FASTKD5: variants seen among roughly 807,000 people sequenced by gnomAD.
FASTKD5 encodes the protein FAST kinase domains 5, also known as non-canonical pre-mRNAs endonuclease FASTKD5, mitochondrial.
FASTKD5 carries 30 observed loss-of-function variants against 44.0 expected under a neutral mutation model. The observed-to-expected ratio is 0.68, with a 90% CI of 0.51 to 0.93. The LOEUF (loss-of-function observed/expected upper bound fraction) is 0.93, where lower values mean the gene tolerates loss of function less well. Ranked by LOEUF, FASTKD5 falls within the 40% of genes least tolerant of loss-of-function variation. FASTKD5 has a pLI of 0.00. For missense variants in FASTKD5, 868 were observed against 908.2 expected (o/e 0.96, Z 0.57); for synonymous variants, 335 against 342.2 (o/e 0.98, Z 0.23).
chr20:3,155,539 A>G (rs2066675190), intron 1 of FASTKD5, among the ~76,000 whole-genome samples: 1 of 152,194 alleles, frequency 6.6e-6, no homozygotes, highest in Non-Finnish European at 1.5e-5. Flanking sequence ...TCAAAAAAAA[A>G]AAGTGGGTCG....
rs1026365726 is a variant in FASTKD5, at chr20:3,147,529, T to C, written c.1542A>G (p.Leu514=). Residue 514 remains leucine, a synonymous_variant, in exon 2 of 2, where the codon CTA becomes CTG. Transcript: ENST00000380266. ...ERTKFDLLKE[L]YTLDGTVGIE... ...TGCCAACTGTACCATCGAGGGTATATAGTTCCTTAAGGAGGTCAAACTTAG... is the reference window on the plus strand; with the variant it reads ...TGCCAACTGTACCATCGAGGGTATACAGTTCCTTAAGGAGGTCAAACTTAG... The C allele has an allele frequency of 1.4e-5, 23 of 1,614,112 alleles. No individual in the cohort carries two copies. Among genetic ancestry groups the C allele is most frequent in the East Asian group, 2.2e-5 (1 of 44,900 alleles).
At chr20:3,153,248 T>G (rs576067782) in intron 1 of FASTKD5, among the ~76,000 whole-genome samples, 2 of 152,382 alleles carry the variant, frequency 1.3e-5, no homozygotes, top group Admixed American at 6.5e-5. Context: ...CATCAATGTT[T>G]GGTGCAGCTC....
chr20:3,152,384 C>A (rs2148625127), intron 1 of FASTKD5, among the ~76,000 whole-genome samples: 1 of 152,104 alleles, frequency 6.6e-6, no homozygotes, highest in South Asian at 2.1e-4. Context: ...CACCTGCAAT[C>A]CCAGCTACTC....
rs766999850 is a variant in FASTKD5 at position 3,149,296 on chromosome 20, A to G, written c.-190-36T>C. The stretch of plus-strand genomic sequence containing the variant: ...GGTAGATGAAGAATGAGTGGCTTCT[A>G]CCTATAAAAGCATCCAAATTTACAC... On this transcript the variant is annotated intron_variant, in intron 1 of 1. Coordinates refer to ENST00000380266, the MANE Select transcript of FASTKD5 (RefSeq NM_021826.5). The surrounding 1 kb of genome is among the most constrained non-coding windows in gnomAD (Gnocchi z 4.1). 1.8e-6 allele frequency: 1 copy of G among 544,546 alleles called. No homozygotes were observed. The highest frequency in any genetic ancestry group is 3.3e-6 in the Non-Finnish European group (1 of 305,690). 33.7% of individuals were successfully genotyped at this position (544,546 alleles called of 1,614,324 possible). A position where few individuals can be genotyped will look rare whatever the true frequency, so the allele number is the denominator to read the frequency against.
Position 3,146,979 on chromosome 20 carries a change from C to T in FASTKD5, c.2092G>A (p.Ala698Thr). The T allele has an allele frequency of 6.2e-7, 1 of 1,614,178 alleles. No individual in the cohort carries two copies. The highest frequency in any genetic ancestry group is 8.5e-7 in the Non-Finnish European group (1 of 1,180,034). Residue 698 changes from alanine to threonine, a missense_variant, in exon 2 of 2, where the codon GCT (alanine) becomes ACT (threonine). Ala to Thr is a moderately conservative substitution (Grantham distance 58, BLOSUM62 0). Coordinates refer to ENST00000380266, the MANE Select transcript of FASTKD5 (RefSeq NM_021826.5). Reference protein sequence around the residue: ...ACMQTPRMKLAVQFTNRNQYC... With the variant: ...ACMQTPRMKLTVQFTNRNQYC... ...TGGTTCCTGTTTGTGAACTGAACAG[C>T]CAGCTTCATTCTTGGGGTCTGCATG...
At chr20:3,150,728 G>A (rs933863695) in intron 1 of FASTKD5, 1 of 152,170 alleles carries the variant, frequency 6.6e-6, no homozygotes, top group East Asian at 1.9e-4. Flanking sequence ...GTTCATCAAA[G>A]AACAGCAGGG....
intron 1 of FASTKD5, among the ~76,000 whole-genome samples, chr20:3,157,555 T>C (rs1029533284): frequency 2.6e-5 from 4 of 152,236 alleles, no homozygotes; most frequent in African/African-American, 9.6e-5. Flanking sequence ...AGATATAGTA[T>C]GACTAAGCCC....
Position 3,149,294 on chromosome 20 carries a change from C to A in FASTKD5, c.-190-34G>T. 1 of 545,080 alleles carries A rather than the reference C, an allele frequency of 1.8e-6. No individual in the cohort carries two copies. Among genetic ancestry groups the A allele is most frequent in the Non-Finnish European group, 3.3e-6 (1 of 306,032 alleles). 33.8% of individuals were successfully genotyped at this position (545,080 alleles called of 1,614,324 possible). On this transcript the variant is annotated intron_variant, in intron 1 of 1. Transcript: ENST00000380266. The surrounding 1 kb of genome is among the most constrained non-coding windows in gnomAD (Gnocchi z 4.1). ...AGGGTAGATGAAGAATGAGTGGCTTCTACCTATAAAAGCATCCAAATTTAC... is the reference window on the plus strand; with the variant it reads ...AGGGTAGATGAAGAATGAGTGGCTTATACCTATAAAAGCATCCAAATTTAC...
chr20:3,153,609 T>C (rs1368123052), intron 1 of FASTKD5, among the ~76,000 whole-genome samples: 1 of 152,140 alleles, frequency 6.6e-6, no homozygotes, highest in East Asian at 1.9e-4. Context: ...CGGGGGGCAG[T>C]ACGGGGTGGG....
At chr20:3,159,701 G>A (rs2066726336) in intron 1 of FASTKD5, 65 bp downstream of exon 1, 1 of 152,422 alleles carries the variant, frequency 6.6e-6, no homozygotes, top group Non-Finnish European at 1.5e-5. Flanking sequence ...ACAGGCCAAG[G>A]CCCAGGACGG....
In FASTKD5 at chr20:3,147,749, T is replaced by C. The variant is rs753267234; in HGVS notation, c.1322A>G (p.Asn441Ser). The C allele has an allele frequency of 1.2e-6, 2 of 1,614,108 alleles. No homozygotes were observed. Among genetic ancestry groups the C allele is most frequent in the South Asian group, 1.1e-5 (1 of 91,090 alleles). Residue 441 changes from asparagine to serine, a missense_variant, in exon 2 of 2, where the codon AAT becomes AGT. Coordinates refer to ENST00000380266, the MANE Select transcript of FASTKD5 (RefSeq NM_021826.5). ...TTCTTCTGCATTGGGTGGCTTATAA[T>C]TCAGAGTTCCAAATGACCACAGAAT... is the stretch of plus-strand genomic sequence containing the variant. ...AKILWSFGTL[N>S]YKPPNAEEFY...
intron 1 of FASTKD5, among the ~76,000 whole-genome samples, chr20:3,153,102 G>T (rs1568483779): frequency 6.6e-6 from 1 of 151,984 alleles, no homozygotes; most frequent in Non-Finnish European, 1.5e-5. Flanking sequence ...ACATAAACAA[G>T]AATTAACAAA....
At chr20:3,157,903 G>T (rs1041253859) in intron 1 of FASTKD5, among the ~76,000 whole-genome samples, 2 of 148,166 alleles carry the variant, frequency 1.3e-5, no homozygotes, top group Non-Finnish European at 3.0e-5. Context: ...GAATTCTTTT[G>T]TTTTTTTTTT....
Position 3,148,501 on chromosome 20 carries a change from G to C in FASTKD5, c.570C>G (p.Leu190=). ...VLLGSTSFAL[L]CQLSVKKIQL... ...GTATCTTCTTCACACTCAGCTGGCA[G>C]AGCAGAGCAAAGCTGGTACTGCCCA... Residue 190 remains leucine, a synonymous_variant, in exon 2 of 2, where the codon CTC becomes CTG. Coordinates refer to ENST00000380266, the MANE Select transcript of FASTKD5 (RefSeq NM_021826.5). 6.2e-7 allele frequency: 1 copy of C among 1,614,138 alleles called. No homozygotes were observed. Among genetic ancestry groups the C allele is most frequent in the African/African-American group, 1.3e-5 (1 of 75,072 alleles).
Position 3,148,795 on chromosome 20 carries a change from C to G in FASTKD5, c.276G>C (p.Gln92His), listed in dbSNP as rs76392282. Reference sequence around the variant, plus strand: ...CTCCTGTGGCCCTGGGTGAGCCCAGCTGCAATGTACTGGCCTTAGAGGAAG... The same window carrying G: ...CTCCTGTGGCCCTGGGTGAGCCCAGGTGCAATGTACTGGCCTTAGAGGAAG... ...KTSSSKASTL[Q>H]LGSPRATGVD... Residue 92 changes from glutamine to histidine, a missense_variant, in exon 2 of 2, where the codon CAG (glutamine) becomes CAC (histidine). By Grantham distance (24) the Gln-to-His change is conservative (BLOSUM62 0). Transcript: ENST00000380266. 1.1e-5 allele frequency: 17 copies of G among 1,614,228 alleles called. 2 individuals carry two copies. In the South Asian group the frequency reaches 1.9e-4, roughly 18 times the overall value.
At chr20:3,159,360 A>C (rs2066722532) in intron 1 of FASTKD5, among the ~76,000 whole-genome samples, 1 of 152,310 alleles carries the variant, frequency 6.6e-6, no homozygotes, top group East Asian at 1.9e-4. Flanking sequence ...TTAGGAACAC[A>C]GTTATCTCAG....
chr20:3,153,370 G>A (rs1314444591), intron 1 of FASTKD5, among the ~76,000 whole-genome samples: 2 of 152,216 alleles, frequency 1.3e-5, no homozygotes, highest in Admixed American at 1.3e-4. Context: ...AAGGCTTAGA[G>A]CCTTGTAAAG....
At chr20:3,157,745 T>C (rs1401365256) in intron 1 of FASTKD5, among the ~76,000 whole-genome samples, 1 of 152,210 alleles carries the variant, frequency 6.6e-6, no homozygotes, top group East Asian at 1.9e-4. Flanking sequence ...ATGCACACAG[T>C]CGTCATAAGA....
chr20:3,157,358 G>A (rs996658734), intron 1 of FASTKD5, among the ~76,000 whole-genome samples: 3 of 152,180 alleles, frequency 2.0e-5, no homozygotes, highest in Admixed American at 6.5e-5. Context: ...GTCACTCGCA[G>A]GTCTAAGCCA....
Sources: gnomAD v4.1 joint callset for allele counts (sites outside exome capture counted in the v4.1 genomes callset) on GRCh38, gnomAD v4.1.1 for gene constraint, Gnocchi (gnomAD v3.1) non-coding constraint, MANE v1.5 for transcripts, NCBI Gene and HGNC (gene_info 2026-07-23, HGNC 2026-07-21) for gene names.